Variants in ASIC2 observed in about 807,000 individuals in gnomAD.
ASIC2 encodes the protein acid sensing ion channel subunit 2, also known as acid-sensing ion channel 2.
In ASIC2, 25 loss-of-function variants were observed where a neutral mutation model predicts 57.3. The observed-to-expected ratio is 0.44, with a 90% CI of 0.32 to 0.61. The LOEUF (loss-of-function observed/expected upper bound fraction) is 0.61, where lower values mean the gene tolerates loss of function less well. ASIC2 is among the 20% of genes least tolerant of loss of function. The pLI is 0.06. For missense variants in ASIC2, 641 were observed against 738.1 expected (o/e 0.87, Z 1.52); for synonymous variants, 319 against 307.5 (o/e 1.04, Z -0.39).
chr17:33,127,558 CA>C (rs1385055525), intron 1 of ASIC2, among the ~76,000 whole-genome samples: 1 of 152,182 alleles, frequency 6.6e-6, no homozygotes, highest in Non-Finnish European at 1.5e-5. Flanking sequence ...GCTCTACCCC[CA>C]AATTCAACTG....
intron 1 of ASIC2, among the ~76,000 whole-genome samples, chr17:33,910,706 ACACTACTGGAATGAC>A (rs1217704327): frequency 3.9e-5 from 6 of 152,150 alleles, no homozygotes; most frequent in South Asian, 2.1e-4. Context: ...CACTCAATAA[ACACTACTGGAATGAC>A]CACCTATCAT....
intron 1 of ASIC2, among the ~76,000 whole-genome samples, chr17:33,433,776 C>CA (rs140605689): frequency 0.045 from 6,821 of 151,790 alleles, 498 homozygotes; most frequent in African/African-American, 0.16. Flanking sequence ...AAAACAAAAA[C>CA]AAAAAAACCC....
intron 1 of ASIC2, among the ~76,000 whole-genome samples, chr17:33,925,126 C>T (rs1915797696): frequency 6.6e-6 from 1 of 152,232 alleles, no homozygotes; most frequent in Non-Finnish European, 1.5e-5. Context: ...AGTGCATGGG[C>T]AGAGAAAGGG....
At chr17:33,373,089 G>A (rs1414321846) in intron 1 of ASIC2, among the ~76,000 whole-genome samples, 1 of 152,206 alleles carries the variant, frequency 6.6e-6, no homozygotes, top group African/African-American at 2.4e-5. Flanking sequence ...GCAGAGCTAA[G>A]GAATACTGTG....
Position 33,799,352 on chromosome 17 carries a change from C to CTTTT in ASIC2, c.555+356625_555+356626insAAAA, listed in dbSNP as rs1567718753. On this transcript the variant is annotated intron_variant, in intron 1 of 9. Transcript: ENST00000359872. ...CCCTCCCTCTCTGTTTCCTCTCTTT[C>CTTTT]TCTTTCTTTCTTTCTTTCTTTCTTC... 1.1e-3 allele frequency among the ~76,000 whole-genome samples: 151 copies of CTTTT among 136,100 alleles called. 1 individual carries two copies. Among genetic ancestry groups the CTTTT allele is most frequent in the African/African-American group, 1.6e-3 (56 of 34,732 alleles). 89.3% of individuals were successfully genotyped at this position (136,100 alleles called of 152,430 possible).
chr17:33,016,607 G>T (rs1229762356), intron 8 of ASIC2, among the ~76,000 whole-genome samples: 2 of 152,162 alleles, frequency 1.3e-5, no homozygotes, highest in East Asian at 3.9e-4. Flanking sequence ...CATGGGAACT[G>T]ATGTGGTTTT....
chr17:33,489,957 A>G (rs1298791256), intron 1 of ASIC2, among the ~76,000 whole-genome samples: 1 of 152,200 alleles, frequency 6.6e-6, no homozygotes, highest in Non-Finnish European at 1.5e-5. Flanking sequence ...TCTTAACTGA[A>G]CTACCTATTC....
At chr17:33,763,420 T>C (rs1910844830) in intron 1 of ASIC2, among the ~76,000 whole-genome samples, 1 of 152,168 alleles carries the variant, frequency 6.6e-6, no homozygotes, top group African/African-American at 2.4e-5. Context: ...TTTCAGCCCT[T>C]CCTCACTAAA....
chr17:33,115,262 G>A (rs1329984884), intron 1 of ASIC2, among the ~76,000 whole-genome samples: 2 of 152,196 alleles, frequency 1.3e-5, no homozygotes, highest in Non-Finnish European at 2.9e-5. Flanking sequence ...GGTCACCAGA[G>A]TAGCAGGGGT....
chr17:33,157,144 A>C (rs1410468445), intron 1 of ASIC2, among the ~76,000 whole-genome samples: 2 of 152,072 alleles, frequency 1.3e-5, no homozygotes, highest in Non-Finnish European at 2.9e-5. Context: ...TCCCCTCCTC[A>C]GTGTCCCTCT....
At position 33,888,104 on chromosome 17, in the gene ASIC2, T is replaced by C. The variant is rs182481819; in HGVS notation, c.555+267874A>G. Among the ~76,000 whole-genome samples, 402 of 152,346 alleles carry C rather than the reference T, an allele frequency of 2.6e-3. 4 individuals are homozygous for C. The highest frequency in any genetic ancestry group is 8.7e-3 in the African/African-American group (362 of 41,584). On this transcript the variant is annotated intron_variant, in intron 1 of 9. Transcript: ENST00000359872. ...TTTTACTTACAATATTTTTGACTTA[T>C]GATGGGTTTACCAGGGATATAACCC...
intron 1 of ASIC2, among the ~76,000 whole-genome samples, chr17:33,543,840 G>C (rs968501074): frequency 6.6e-6 from 1 of 152,206 alleles, no homozygotes. Context: ...ACCCCAGTCT[G>C]TTTCAGTCTT....
intron 3 of ASIC2, among the ~76,000 whole-genome samples, chr17:33,060,678 T>C (rs1180529757): frequency 1.3e-5 from 2 of 152,184 alleles, no homozygotes; most frequent in Non-Finnish European, 2.9e-5. Flanking sequence ...TTTAAAGTAG[T>C]TTTTTCCAAT....
intron 1 of ASIC2, among the ~76,000 whole-genome samples, chr17:33,239,245 C>T (rs894421516): frequency 5.3e-5 from 8 of 151,852 alleles, no homozygotes; most frequent in East Asian, 3.9e-4. Context: ...CAGCCAAGAT[C>T]GCACCACTGC....
At chr17:33,421,777 A>G (rs1911054224) in intron 1 of ASIC2, among the ~76,000 whole-genome samples, 1 of 152,200 alleles carries the variant, frequency 6.6e-6, no homozygotes, top group Admixed American at 6.5e-5. Flanking sequence ...GCTGTTCTTC[A>G]GTGGAAAGCC....
intron 1 of ASIC2, among the ~76,000 whole-genome samples, chr17:33,664,049 A>G (rs1907389982): frequency 6.6e-6 from 1 of 152,132 alleles, no homozygotes. Flanking sequence ...AATGCGTCCT[A>G]TAAAATTCTC....
At chr17:33,167,890 A>G (rs1341583441) in intron 1 of ASIC2, among the ~76,000 whole-genome samples, 4 of 152,194 alleles carry the variant, frequency 2.6e-5, no homozygotes, top group Non-Finnish European at 5.9e-5. Flanking sequence ...ACCAGATGCT[A>G]TTGTCTGAAT....
chr17:33,644,807 T>C (rs988478550), intron 1 of ASIC2, among the ~76,000 whole-genome samples: 1 of 152,260 alleles, frequency 6.6e-6, no homozygotes, highest in African/African-American at 2.4e-5. Context: ...CTAACAGGCA[T>C]GGTTTTCTTG....
intron 1 of ASIC2, among the ~76,000 whole-genome samples, chr17:33,867,624 C>A (rs190534279): frequency 2.3e-4 from 35 of 152,306 alleles, no homozygotes; most frequent in African/African-American, 7.5e-4. Flanking sequence ...GGAAAGACTG[C>A]CTGTCTCCTT....
Sources: gnomAD v4.1 joint callset for allele counts (sites outside exome capture counted in the v4.1 genomes callset) on GRCh38, gnomAD v4.1.1 for gene constraint, MANE v1.5 for transcripts, NCBI Gene and HGNC (gene_info 2026-07-23, HGNC 2026-07-21) for gene names.